Variants in DDX1 observed in about 807,000 individuals in gnomAD.
DDX1 encodes the protein ATP-dependent RNA helicase DDX1.
In DDX1, 28 loss-of-function variants were observed where a neutral mutation model predicts 108.7. The observed-to-expected ratio is 0.26, with a 90% CI of 0.19 to 0.35. The LOEUF is 0.35. Ranked by LOEUF, DDX1 falls within the 10% of genes least tolerant of loss-of-function variation. The pLI, the probability that DDX1 is intolerant of heterozygous loss-of-function variation, is 1.00. For synonymous variants in DDX1, 295 were observed against 288.9 expected (o/e 1.02, Z -0.21); for missense variants, 710 against 884.5 (o/e 0.80, Z 2.50).
chr2:15,620,958 A>C, intron 17 of DDX1, 107 bp from the exon 18 acceptor site: 1 of 678,634 alleles, frequency 1.5e-6, no homozygotes, highest in Non-Finnish European at 2.5e-6. Flanking sequence ...ATATATCTGA[A>C]ATACAGTCTA....
intron 12 of DDX1, among the ~76,000 whole-genome samples, chr2:15,606,894 C>T (rs1665671112): frequency 6.6e-6 from 1 of 152,168 alleles, no homozygotes; most frequent in Admixed American, 6.5e-5. Flanking sequence ...GCCATCATAG[C>T]TCACTGCAGC....
intron 20 of DDX1, 58 bp downstream of exon 20, chr2:15,627,203 T>A (rs1666113568): frequency 1.0e-6 from 1 of 969,460 alleles, no homozygotes; most frequent in South Asian, 1.5e-5. Flanking sequence ...ATATCTAGTT[T>A]TAAGCAGTTT....
At position 15,599,481 on chromosome 2, in the gene DDX1, A is replaced by AT. The variant is rs202201418; in HGVS notation, c.260-177dup. Among the ~76,000 whole-genome samples the AT allele has an allele frequency of 0.018, 2,495 of 142,266 alleles. 112 individuals carry two copies. The East Asian group carries it at 0.22, about 13-fold the overall frequency. 93.3% of individuals were successfully genotyped at this position (142,266 alleles called of 152,430 possible). A position where few individuals can be genotyped will look rare whatever the true frequency, so the allele number is the denominator to read the frequency against. ...GCCACCATGCCTGGCTAATTTTTGT[A>AT]TTTTTTTTTTTAGTAGAGATGAGGT... On this transcript the variant is annotated intron_variant, in intron 5 of 25. Transcript: ENST00000233084.
At position 15,618,217 on chromosome 2, in the gene DDX1, A is replaced by C; in HGVS notation, c.1153A>C (p.Asn385His). The change falls in exon 16 of 26, where the codon AAT becomes CAT. Residue 385 changes from asparagine to histidine, a missense_variant. Coordinates refer to ENST00000233084, the MANE Select transcript of DDX1 (RefSeq NM_004939.3). ...TTCTCAAGGTTATTCTGATTTTATA[A>C]ATAGGATGCACAATCAGATTCCTCA... ...LLSQGYSDFI[N>H]RMHNQIPQVT... 2.5e-6 allele frequency: 4 copies of C among 1,590,710 alleles called. No individual in the cohort carries two copies. The highest frequency in any genetic ancestry group is 3.4e-6 in the Non-Finnish European group (4 of 1,163,588).
At chr2:15,616,104 G>A (rs1308927534) in intron 14 of DDX1, among the ~76,000 whole-genome samples, 1 of 151,690 alleles carries the variant, frequency 6.6e-6, no homozygotes, top group Non-Finnish European at 1.5e-5. Context: ...GTAGAGACGG[G>A]GTTTCACCAT....
chr2:15,615,577 A>G (rs1665880291), intron 14 of DDX1, among the ~76,000 whole-genome samples: 1 of 152,222 alleles, frequency 6.6e-6, no homozygotes, highest in South Asian at 2.1e-4. Context: ...CAGATGAAAC[A>G]ATAGCTTCAG....
intron 7 of DDX1, among the ~76,000 whole-genome samples, chr2:15,602,913 A>G (rs932340011): frequency 6.6e-6 from 1 of 152,210 alleles, no homozygotes; most frequent in Non-Finnish European, 1.5e-5. Flanking sequence ...GGGTTTCACC[A>G]TGTTGGCCAG....
At chr2:15,629,530 CAA>C in intron 23 of DDX1, 70 bp from the exon 24 acceptor site, 1 of 1,156,774 alleles carries the variant, frequency 8.6e-7, no homozygotes, top group Non-Finnish European at 1.2e-6. Flanking sequence ...CAATTAAAAA[CAA>C]ATTTAGAATA....
intron 13 of DDX1, 72 bp downstream of exon 13, chr2:15,607,385 G>C (rs1021862945): frequency 7.1e-7 from 1 of 1,403,442 alleles, no homozygotes; most frequent in Non-Finnish European, 9.9e-7. Flanking sequence ...GAATAAGGTA[G>C]AGAAAAATGA....
At chr2:15,621,399 C>T (rs776513067) in intron 18 of DDX1, 12 of 301,954 alleles carry the variant, frequency 4.0e-5, no homozygotes, top group East Asian at 8.2e-5. Context: ...CTCGGCCACC[C>T]GGGTTCAAGC....
chr2:15,602,527 G>C (rs1437448960), intron 6 of DDX1, 21 bp from the exon 7 acceptor site: 3 of 1,596,258 alleles, frequency 1.9e-6, no homozygotes, highest in Non-Finnish European at 2.6e-6. Flanking sequence ...GTGTTTTTCT[G>C]TGTTTTCTTC....
intron 14 of DDX1, 111 bp from the exon 15 acceptor site, chr2:15,617,133 G>A: frequency 2.2e-6 from 1 of 447,906 alleles, no homozygotes; most frequent in South Asian, 6.0e-5. Context: ...AGAGTTGACT[G>A]ACTACTTCAA....
intron 1 of DDX1, among the ~76,000 whole-genome samples, chr2:15,594,736 A>G (rs1665472260): frequency 6.6e-6 from 1 of 152,184 alleles, no homozygotes; most frequent in African/African-American, 2.4e-5. Context: ...CATTGTCTCT[A>G]AATGCAACAA....
chr2:15,608,663 G>GTTTTGT (rs1665706326), intron 13 of DDX1, among the ~76,000 whole-genome samples: 20 of 106,708 alleles, frequency 1.9e-4, no homozygotes, highest in South Asian at 6.7e-4. Flanking sequence ...TTTTTTTTAG[G>GTTTTGT]TTTTTTTTTT....
chr2:15,593,187 G>A (rs1032766972), intron 1 of DDX1, among the ~76,000 whole-genome samples: 7 of 152,144 alleles, frequency 4.6e-5, no homozygotes, highest in African/African-American at 1.2e-4. Context: ...TTCCCAAAGT[G>A]CAACAGTCAT....
intron 13 of DDX1, among the ~76,000 whole-genome samples, chr2:15,609,309 C>G (rs757716568): frequency 1.2e-4 from 19 of 152,202 alleles, no homozygotes; most frequent in Non-Finnish European, 2.8e-4. Flanking sequence ...ATGGTAAAGT[C>G]ATGGGCCACT....
intron 20 of DDX1, among the ~76,000 whole-genome samples, 177 bp from the exon 21 acceptor site, chr2:15,628,268 G>T (rs1666131879): frequency 6.6e-6 from 1 of 152,134 alleles, no homozygotes; most frequent in African/African-American, 2.4e-5. Context: ...TCATGTTTCA[G>T]CAGATCATGA....
chr2:15,612,154 C>T, intron 13 of DDX1, among the ~76,000 whole-genome samples: 1 of 149,526 alleles, frequency 6.7e-6, no homozygotes, highest in South Asian at 2.1e-4. Flanking sequence ...CCCCCCACCT[C>T]CCTCCTGGAC....
chr2:15,628,552 G>T lies in DDX1; in HGVS notation c.1759+35G>T, dbSNP rs371071156. ...AACTTTTTATGCCTGTAGTGTGATT[G>T]TTACGGAATCTAAAGTAAAGCCTTC... On this transcript the variant is annotated intron_variant, in intron 21 of 25. Coordinates refer to ENST00000233084, the MANE Select transcript of DDX1 (RefSeq NM_004939.3). 508 of 1,599,448 alleles carry T rather than the reference G, an allele frequency of 3.2e-4. 1 individual carries two copies. The highest frequency in any genetic ancestry group is 4.2e-4 in the Non-Finnish European group (495 of 1,167,476).
Sources: allele counts gnomAD v4.1 joint callset (sites outside exome capture counted in the v4.1 genomes callset), GRCh38; gene constraint gnomAD v4.1.1; transcripts MANE v1.5; gene names NCBI Gene and HGNC (gene_info 2026-07-23, HGNC 2026-07-21).